Variants in MYOCD observed in about 807,000 individuals in gnomAD.
The protein encoded by MYOCD is myocardin.
In MYOCD, 32 loss-of-function variants were observed where a neutral mutation model predicts 96.1. The ratio of observed to expected loss-of-function variants is 0.33; its 90% CI spans 0.25 to 0.45. The LOEUF is 0.45. Ranked by LOEUF, MYOCD falls within the 20% of genes least tolerant of loss-of-function variation. The pLI, the probability that MYOCD is intolerant of heterozygous loss-of-function variation, is 1.00. For synonymous variants in MYOCD, 469 were observed against 469.0 expected (o/e 1.00, Z 0.00); for missense variants, 1,133 against 1,200.6 (o/e 0.94, Z 0.83).
chr17:12,677,221 G>A (rs184376303), intron 1 of MYOCD, among the ~76,000 whole-genome samples: 107 of 152,248 alleles, frequency 7.0e-4, no homozygotes, highest in African/African-American at 2.3e-3. Context: ...TGGACCCATA[G>A]AGGGGAGCAA....
chr17:12,738,533 GCACA>G (rs138662709), intron 6 of MYOCD, among the ~76,000 whole-genome samples: 1 of 151,300 alleles, frequency 6.6e-6, no homozygotes, highest in Admixed American at 6.6e-5. Context: ...GCACACATGT[GCACA>G]CACACACACG....
At chr17:12,686,680 T>G (rs1294193736) in intron 1 of MYOCD, among the ~76,000 whole-genome samples, 1 of 152,186 alleles carries the variant, frequency 6.6e-6, no homozygotes, top group Non-Finnish European at 1.5e-5. Context: ...GCTCTTGTAG[T>G]TGCCAAGGGC....
At chr17:12,753,420 A>G in intron 10 of MYOCD, 74 bp downstream of exon 10, 3 of 1,321,630 alleles carry the variant, frequency 2.3e-6, no homozygotes, top group Non-Finnish European at 3.1e-6. Context: ...ACTGCTAAAG[A>G]GCTAATGTCA....
intron 2 of MYOCD, among the ~76,000 whole-genome samples, chr17:12,713,499 C>T (rs368336284): frequency 2.1e-4 from 32 of 152,252 alleles, no homozygotes; most frequent in African/African-American, 7.5e-4. Context: ...AGGAAAAGGG[C>T]ATGTTATTCT....
At chr17:12,735,487 G>A (rs1462912932) in intron 5 of MYOCD, among the ~76,000 whole-genome samples, 2 of 152,078 alleles carry the variant, frequency 1.3e-5, no homozygotes, top group Non-Finnish European at 2.9e-5. Context: ...TAGACACAAA[G>A]ATATGAGGAA....
chr17:12,749,584 C>T (rs1234166924), intron 9 of MYOCD, among the ~76,000 whole-genome samples: 1 of 144,754 alleles, frequency 6.9e-6, no homozygotes, highest in Non-Finnish European at 1.5e-5. Flanking sequence ...ATATACAAAA[C>T]CTATATATAT....
Position 12,753,022 on chromosome 17 carries a change from C to A in MYOCD, c.1734C>A (p.Ser578Arg), listed in dbSNP as rs750466262. The A allele has an allele frequency of 8.5e-5, 137 of 1,614,082 alleles. No individual in the cohort carries two copies. The highest frequency in any genetic ancestry group is 1.1e-4 in the Non-Finnish European group (135 of 1,180,042). Reference protein sequence around the residue: ...ASIKQEEAVSSCPFASQVPVK... With the variant: ...ASIKQEEAVSRCPFASQVPVK... ...TCAAGCAGGAAGAGGCTGTCTCCAG[C>A]TGTCCTTTTGCATCCCAAGTACCTG... The change falls in exon 10 of 14, where the codon AGC becomes AGA. Residue 578 changes from serine to arginine, a missense_variant. Transcript: ENST00000425538.
chr17:12,763,298 C>G lies in MYOCD; in HGVS notation c.2615C>G (p.Thr872Ser). Residue 872 changes from threonine (T) to serine (S), a missense_variant, in exon 14 of 14, where the codon ACC becomes AGC. By Grantham distance (58) the Thr-to-Ser change is moderately conservative. Coordinates refer to ENST00000425538, the MANE Select transcript of MYOCD (RefSeq NM_001146312.3). The part of the protein sequence containing the change: ...QSPLGKMSDV[T>S]LLKIGSEEPH... ...CCCCTAGGAAAGATGAGTGATGTCA[C>G]CCTTCTAAAAATTGGGAGCGAAGAG... 4 of 1,610,284 alleles carry G rather than the reference C, an allele frequency of 2.5e-6. No homozygotes were observed. Among genetic ancestry groups the G allele is most frequent in the Non-Finnish European group, 3.4e-6 (4 of 1,178,580 alleles).
At chr17:12,694,005 A>C (rs2030613930) in intron 1 of MYOCD, among the ~76,000 whole-genome samples, 1 of 152,224 alleles carries the variant, frequency 6.6e-6, no homozygotes, top group African/African-American at 2.4e-5. Context: ...CTCACTTCCC[A>C]CGACCTTCCA....
Position 12,760,515 on chromosome 17 carries a change from G to A in MYOCD, c.2332-135G>A, listed in dbSNP as rs917376748. 8.7e-6 allele frequency: 6 copies of A among 686,766 alleles called. No homozygotes were observed. The African/African-American group carries it at 8.9e-5, about 10-fold the overall frequency. The allele number at this position is 686,766 out of a possible 1,614,324, so 42.5% of individuals were successfully genotyped here. A position where few individuals can be genotyped will look rare whatever the true frequency, so the allele number is the denominator to read the frequency against. On this transcript the variant is annotated intron_variant, in intron 12 of 13. Transcript: ENST00000425538. ...GTTGATAGTAAATTTAAAGTTATGTGTATTTTGCCACAATTGGAAAAAAAA... is the reference window on the plus strand; with the variant it reads ...GTTGATAGTAAATTTAAAGTTATGTATATTTTGCCACAATTGGAAAAAAAA...
At chr17:12,747,370 A>AAAG (rs200655313) in intron 9 of MYOCD, among the ~76,000 whole-genome samples, 66 of 84,478 alleles carry the variant, frequency 7.8e-4, no homozygotes, top group Non-Finnish European at 1.5e-3. Context: ...TCAATGACAG[A>AAAG]AGGAGAGTAG....
chr17:12,713,430 T>C (rs897905845), intron 2 of MYOCD, among the ~76,000 whole-genome samples: 1 of 152,186 alleles, frequency 6.6e-6, no homozygotes, highest in African/African-American at 2.4e-5. Flanking sequence ...CCAATTGTGT[T>C]TGGAATGTCA....
intron 5 of MYOCD, among the ~76,000 whole-genome samples, chr17:12,728,328 G>A (rs1452326906): frequency 6.6e-6 from 1 of 152,124 alleles, no homozygotes; most frequent in Non-Finnish European, 1.5e-5. Flanking sequence ...TCTGACTCCT[G>A]GCTTGAGTAA....
intron 2 of MYOCD, among the ~76,000 whole-genome samples, chr17:12,711,741 T>G (rs962512334): frequency 1.3e-5 from 2 of 151,960 alleles, no homozygotes; most frequent in Non-Finnish European, 1.5e-5. Context: ...ATTTTTGAAG[T>G]CCTAGGTTCC....
At position 12,722,844 on chromosome 17, in the gene MYOCD, T is replaced by C. The variant is rs1217111539; in HGVS notation, c.254-3T>C. ...ACTGATCCTTTTCATTTCAACCCTT[T>C]AGCTTCCACTGCAGAGAGGTCCATT... On this transcript the variant is annotated splice_polypyrimidine_tract_variant and splice_region_variant and intron_variant, in intron 4 of 13. Transcript: ENST00000425538. 6.2e-7 allele frequency: 1 copy of C among 1,606,886 alleles called. No individual in the cohort carries two copies. The highest frequency in any genetic ancestry group is 8.5e-7 in the Non-Finnish European group (1 of 1,177,522).
chr17:12,750,854 C>T (rs1024083575), intron 9 of MYOCD, among the ~76,000 whole-genome samples: 3 of 151,832 alleles, frequency 2.0e-5, no homozygotes, highest in Non-Finnish European at 2.9e-5. Flanking sequence ...AATTTTATTT[C>T]GTTTCTGAAA....
rs148764876 is a variant in MYOCD, at chr17:12,695,084, C to G, written c.56-10044C>G. ...CTAAACTTCATGAATGAAATATTAG[C>G]AAGAAGTATCCCTAGTTTAGAGATG... is the stretch of plus-strand genomic sequence containing the variant. On this transcript the variant is annotated intron_variant, in intron 1 of 13. Transcript: ENST00000425538. Among the ~76,000 whole-genome samples the G allele has an allele frequency of 5.2e-3, 797 of 152,212 alleles. 7 individuals carry two copies. Among genetic ancestry groups the G allele is most frequent in the African/African-American group, 0.018 (750 of 41,526 alleles).
intron 4 of MYOCD, among the ~76,000 whole-genome samples, chr17:12,722,150 G>A (rs1443355903): frequency 3.3e-5 from 5 of 152,186 alleles, no homozygotes; most frequent in Non-Finnish European, 5.9e-5. Flanking sequence ...CTCCATGACA[G>A]CAATAAGTTG....
intron 1 of MYOCD, among the ~76,000 whole-genome samples, chr17:12,697,352 TA>T (rs2030807599): frequency 2.3e-5 from 2 of 85,734 alleles, no homozygotes; most frequent in African/African-American, 1.2e-4. Context: ...TATATATATA[TA>T]TATATATTTT....
Sources: gnomAD v4.1 joint callset for allele counts (sites outside exome capture counted in the v4.1 genomes callset) on GRCh38, gnomAD v4.1.1 for gene constraint, MANE v1.5 for transcripts, NCBI Gene and HGNC (gene_info 2026-07-23, HGNC 2026-07-21) for gene names.